The following CARMIL1 variants were observed in gnomAD, a reference collection of about 807,000 sequenced individuals.
CARMIL1 encodes the protein F-actin-uncapping protein LRRC16A.
In CARMIL1, 90 loss-of-function variants were observed where a neutral mutation model predicts 177.1. The observed-to-expected ratio is 0.51, with a 90% CI of 0.43 to 0.61. CARMIL1 has a LOEUF of 0.61. Among genes scored for constraint, CARMIL1 ranks in the 20% least tolerant of loss-of-function variants. The pLI, the probability that CARMIL1 is intolerant of heterozygous loss-of-function variation, is 0.00. For synonymous variants in CARMIL1, 577 were observed against 606.2 expected, an observed-to-expected ratio of 0.95 and a Z score of 0.71; for missense variants, 1,380 against 1,667.0, an observed-to-expected ratio of 0.83 and a Z score of 3.00.
At chr6:25,460,625 C>A (rs962964484) in intron 8 of CARMIL1, among the ~76,000 whole-genome samples, 5 of 152,154 alleles carry the variant, frequency 3.3e-5, no homozygotes, top group African/African-American at 1.2e-4. Context: ...TGCAGCCAGG[C>A]TGAGAGGTAT....
At chr6:25,496,216 G>A (rs1326113955) in intron 16 of CARMIL1, among the ~76,000 whole-genome samples, 1 of 152,058 alleles carries the variant, frequency 6.6e-6, no homozygotes, top group Non-Finnish European at 1.5e-5. Flanking sequence ...GGTGGCTCAC[G>A]CCTGTAATCT....
At chr6:25,330,306 G>C (rs186381343) in intron 2 of CARMIL1, among the ~76,000 whole-genome samples, 8 of 152,318 alleles carry the variant, frequency 5.3e-5, no homozygotes, top group African/African-American at 1.9e-4. Flanking sequence ...TGGCCAGGTA[G>C]TGATGACAAG....
intron 3 of CARMIL1, among the ~76,000 whole-genome samples, chr6:25,420,809 T>A (rs1208585549): frequency 2.6e-5 from 4 of 152,250 alleles, no homozygotes; most frequent in African/African-American, 9.6e-5. Flanking sequence ...ATCATAATAA[T>A]GACTTATTTT....
chr6:25,408,796 A>G (rs958282863), intron 2 of CARMIL1, among the ~76,000 whole-genome samples: 2 of 150,966 alleles, frequency 1.3e-5, no homozygotes, highest in Non-Finnish European at 2.9e-5. Context: ...TGGGCAATGT[A>G]GTGAGACCCT....
At chr6:25,595,929 C>T (rs946389426) in intron 32 of CARMIL1, among the ~76,000 whole-genome samples, 2 of 152,096 alleles carry the variant, frequency 1.3e-5, no homozygotes, top group East Asian at 3.8e-4. Context: ...ATATAGTCTG[C>T]CCCTCAATTA....
In CARMIL1 at chr6:25,417,979, T is replaced by C. The variant is rs1157484702; in HGVS notation, c.139-2135T>C. On this transcript the variant is annotated intron_variant, in intron 2 of 36. Transcript: ENST00000329474. ...GGGACAGCTTTTATGGCTTGCAATC[T>C]GTACAGTTGCACAGGACACATCCAC... Among the ~76,000 whole-genome samples, 3 of 152,122 alleles carry C rather than the reference T, an allele frequency of 2.0e-5. No homozygotes were observed. The East Asian group carries it at 5.8e-4, about 29-fold the overall frequency.
At chr6:25,292,763 G>A (rs1489709336) in intron 2 of CARMIL1, among the ~76,000 whole-genome samples, 4 of 152,100 alleles carry the variant, frequency 2.6e-5, no homozygotes, top group African/African-American at 9.7e-5. Context: ...AGCCACCCTT[G>A]GACCAGGGCA....
chr6:25,531,366 C>T (rs2151106842), intron 24 of CARMIL1, among the ~76,000 whole-genome samples: 1 of 152,238 alleles, frequency 6.6e-6, no homozygotes, highest in East Asian at 1.9e-4. Context: ...AAATGTCATG[C>T]ATAATATTCC....
At chr6:25,337,196 T>G (rs953373034) in intron 2 of CARMIL1, among the ~76,000 whole-genome samples, 1 of 152,212 alleles carries the variant, frequency 6.6e-6, no homozygotes. Flanking sequence ...GCCATACAGC[T>G]CTCCTTGTAA....
intron 35 of CARMIL1, among the ~76,000 whole-genome samples, chr6:25,608,054 G>A (rs1373493608): frequency 1.3e-5 from 2 of 152,160 alleles, no homozygotes; most frequent in Non-Finnish European, 2.9e-5. Flanking sequence ...AGAAAGCAAA[G>A]CAAATAAGTA....
chr6:25,448,902 C>G (rs1223788807), intron 5 of CARMIL1, among the ~76,000 whole-genome samples: 4 of 149,516 alleles, frequency 2.7e-5, no homozygotes, highest in African/African-American at 9.8e-5. Flanking sequence ...CATTACCACA[C>G]ACCAGGGATT....
intron 12 of CARMIL1, among the ~76,000 whole-genome samples, chr6:25,482,544 G>A (rs945048427): frequency 6.6e-6 from 1 of 152,192 alleles, no homozygotes; most frequent in African/African-American, 2.4e-5. Context: ...TGCTGTCAGA[G>A]CAGAGAGTAA....
chr6:25,375,575 A>G (rs1358874676), intron 2 of CARMIL1, among the ~76,000 whole-genome samples: 1 of 152,200 alleles, frequency 6.6e-6, no homozygotes, highest in Non-Finnish European at 1.5e-5. Context: ...ATTTTCTCAA[A>G]TAAGTTTCCC....
intron 2 of CARMIL1, among the ~76,000 whole-genome samples, chr6:25,306,706 A>T (rs922825915): frequency 6.6e-6 from 1 of 152,090 alleles, no homozygotes; most frequent in Non-Finnish European, 1.5e-5. Context: ...TGGACCTTTG[A>T]ATTGTTTTTA....
In CARMIL1 at chr6:25,554,962, G is replaced by A. The variant is rs116032717; in HGVS notation, c.2592+866G>A. 4.6e-3 allele frequency among the ~76,000 whole-genome samples: 706 copies of A among 152,232 alleles called. 4 individuals are homozygous for A. Among genetic ancestry groups the A allele is most frequent in the African/African-American group, 0.015 (607 of 41,528 alleles). On this transcript the variant is annotated intron_variant, in intron 28 of 36. Transcript: ENST00000329474. The surrounding 1 kb of genome is among the most constrained non-coding windows in gnomAD (Gnocchi z 4.6). ...ATGCATGTTTTTGAAAAATTCATTT[G>A]AGAAAAACGTGTAAGACTGTCTTCC...
chr6:25,522,907 T>C (rs753590781), intron 23 of CARMIL1, among the ~76,000 whole-genome samples: 2 of 152,082 alleles, frequency 1.3e-5, no homozygotes, highest in African/African-American at 2.4e-5. Flanking sequence ...CCACCTGTGC[T>C]CAAGTGATCC....
At chr6:25,606,371 G>C in intron 35 of CARMIL1, 98 bp downstream of exon 35, 1 of 1,059,638 alleles carries the variant, frequency 9.4e-7, no homozygotes, top group Non-Finnish European at 1.4e-6. Flanking sequence ...CAGCTGGTGA[G>C]CGAGGTACAG....
intron 17 of CARMIL1, among the ~76,000 whole-genome samples, chr6:25,507,044 G>A (rs1345896468): frequency 6.6e-6 from 1 of 152,120 alleles, no homozygotes; most frequent in Non-Finnish European, 1.5e-5. Context: ...TTTAAAAAGT[G>A]TTCAACATTT....
chr6:25,581,165 T>G, intron 30 of CARMIL1, 78 bp from the exon 31 acceptor site: 1 of 1,405,018 alleles, frequency 7.1e-7, no homozygotes. Flanking sequence ...AAAATTACTT[T>G]TAGGAATTTT....
Sources: gnomAD v4.1 joint callset for allele counts (sites outside exome capture counted in the v4.1 genomes callset) on GRCh38, gnomAD v4.1.1 for gene constraint, Gnocchi (gnomAD v3.1) non-coding constraint, MANE v1.5 for transcripts, NCBI Gene and HGNC (gene_info 2026-07-23, HGNC 2026-07-21) for gene names.